The following TSKS variants were observed in gnomAD, a reference collection of about 807,000 sequenced individuals.
TSKS encodes the protein testis specific serine kinase substrate.
Under a neutral mutation model 68.0 loss-of-function variants are expected in TSKS, and 27 were observed. The ratio of observed to expected loss-of-function variants is 0.40; its 90% CI spans 0.29 to 0.55. TSKS has a LOEUF of 0.55. TSKS is among the 20% of genes least tolerant of loss of function. TSKS has a pLI of 0.53. For synonymous variants in TSKS, 331 were observed against 340.4 expected (o/e 0.97, Z 0.30); for missense variants, 806 against 776.0 (o/e 1.04, Z -0.46).
intron 6 of TSKS, among the ~76,000 whole-genome samples, chr19:49,745,909 C>T (rs983417162): frequency 4.6e-5 from 7 of 152,258 alleles, no homozygotes; most frequent in Non-Finnish European, 8.8e-5. Context: ...CTAGGCCGGG[C>T]GCGGTGGCTC....
In TSKS at chr19:49,762,023, G is replaced by A; in HGVS notation, c.380C>T (p.Ala127Val). 1 of 1,613,926 alleles carries A rather than the reference G, an allele frequency of 6.2e-7. No individual in the cohort carries two copies. The highest frequency in any genetic ancestry group is 8.5e-7 in the Non-Finnish European group (1 of 1,179,916). The part of the protein sequence containing the change: ...SPTLPWDPDD[A>V]DITEILSGVN... ...CCTCACCAGGATTTCCGTGATGTCTGCGTCATCCGGATCCCAGGGTAGGGT... is the reference window on the plus strand; with the variant it reads ...CCTCACCAGGATTTCCGTGATGTCTACGTCATCCGGATCCCAGGGTAGGGT... The change falls in exon 2 of 11, where the codon GCA (alanine) becomes GTA (valine). Residue 127 changes from alanine to valine, a missense_variant. Ala to Val is a moderately conservative substitution (Grantham distance 64, BLOSUM62 0). Coordinates refer to ENST00000246801, the MANE Select transcript of TSKS (RefSeq NM_021733.2).
At chr19:49,753,561 C>CAATAATAATAATAATAAT (rs59369964) in intron 2 of TSKS, among the ~76,000 whole-genome samples, 144 of 136,174 alleles carry the variant, frequency 1.1e-3, no homozygotes, top group African/African-American at 2.7e-3. Flanking sequence ...GACTCCATCT[C>CAATAATAATAATAATAAT]AATAATAATA....
intron 2 of TSKS, among the ~76,000 whole-genome samples, chr19:49,748,780 T>C (rs981770347): frequency 5.9e-5 from 9 of 152,020 alleles, no homozygotes; most frequent in African/African-American, 2.2e-4. Flanking sequence ...CTAAATGTCC[T>C]TGGGGGCCAG....
At position 49,746,755 on chromosome 19, in the gene TSKS, G is replaced by T. The variant is rs760980438; in HGVS notation, c.707C>A (p.Pro236Gln). ...CTGCAGCTCGGCCTCCTGCCGTCGC[G>T]GCGTCTCATCCTGCAGCTGCTGCTG... ...YLQQQLQDET[P>Q]RRQEAELQEP... is the part of the protein sequence containing the mutation. Residue 236 changes from proline to glutamine, a missense_variant, in exon 6 of 11, where the codon CCG (proline) becomes CAG (glutamine). Pro to Gln is a moderately conservative substitution (Grantham distance 76, BLOSUM62 -1). Transcript: ENST00000246801. The T allele has an allele frequency of 6.2e-7, 1 of 1,601,312 alleles. No individual in the cohort carries two copies. The highest frequency in any genetic ancestry group is 1.7e-5 in the Admixed American group (1 of 59,992).
chr19:49,746,532 G>C lies in TSKS; in HGVS notation c.930C>G (p.Gly310=), dbSNP rs768833410. ...PAGWGMGPRA[G]EGPYVSEQEL... is the part of the protein sequence containing the mutation. ...CCTGCTCGCTCACGTAGGGGCCCTC[G>C]CCAGCCCGAGGCCCCATTCCCCAGC... The change falls in exon 6 of 11, where the codon GGC becomes GGG. Residue 310 remains glycine (G), a synonymous_variant. Coordinates refer to ENST00000246801, the MANE Select transcript of TSKS (RefSeq NM_021733.2). The C allele has an allele frequency of 1.2e-6, 2 of 1,613,540 alleles. No homozygotes were observed. The highest frequency in any genetic ancestry group is 4.5e-5 in the East Asian group (2 of 44,894).
intron 2 of TSKS, among the ~76,000 whole-genome samples, chr19:49,754,494 A>G (rs990427109): frequency 6.6e-6 from 1 of 151,590 alleles, no homozygotes; most frequent in African/African-American, 2.4e-5. Flanking sequence ...GTGAGACTCC[A>G]TCTCAAAAAA....
At chr19:49,750,546 C>G (rs182317919) in intron 2 of TSKS, among the ~76,000 whole-genome samples, 1 of 152,084 alleles carries the variant, frequency 6.6e-6, no homozygotes, top group East Asian at 1.9e-4. Flanking sequence ...CGTAAGCCAC[C>G]GTGCCCGGCC....
intron 2 of TSKS, among the ~76,000 whole-genome samples, chr19:49,750,403 C>T (rs533497968): frequency 2.6e-5 from 4 of 151,910 alleles, no homozygotes; most frequent in Non-Finnish European, 4.4e-5. Context: ...GGACTACGGG[C>T]GTGCACCACC....
chr19:49,744,795 G>T (rs970018976), intron 7 of TSKS, among the ~76,000 whole-genome samples: 5 of 152,168 alleles, frequency 3.3e-5, no homozygotes, highest in African/African-American at 1.2e-4. Flanking sequence ...CCGCTATGTG[G>T]CCCAGGCTTG....
chr19:49,762,135 T>C lies in TSKS; in HGVS notation c.268A>G (p.Met90Val). The C allele has an allele frequency of 6.2e-7, 1 of 1,614,094 alleles. No homozygotes were observed. The highest frequency in any genetic ancestry group is 8.5e-7 in the Non-Finnish European group (1 of 1,180,012). The change falls in exon 2 of 11, where the codon ATG becomes GTG. Residue 90 changes from methionine (M) to valine (V), a missense_variant. Transcript: ENST00000246801. ...TNVSLLNLAA[M>V]EPTDSTGTDS... is the part of the protein sequence containing the mutation. ...GTCCCCGTGGAGTCAGTGGGCTCCA[T>C]GGCGGCCAGGTTGAGCAGTGACACG...
intron 9 of TSKS, among the ~76,000 whole-genome samples, chr19:49,741,572 C>G (rs1286324810): frequency 6.6e-6 from 1 of 152,130 alleles, no homozygotes; most frequent in African/African-American, 2.4e-5. Flanking sequence ...GAAAATCAGG[C>G]CTATGTTCCA....
At chr19:49,754,188 A>G (rs529862334) in intron 2 of TSKS, among the ~76,000 whole-genome samples, 1 of 150,154 alleles carries the variant, frequency 6.7e-6, no homozygotes, top group African/African-American at 2.4e-5. Context: ...TCCCTGCTAC[A>G]TTATGATACT....
In TSKS at chr19:49,763,224, C is replaced by A; in HGVS notation, c.24G>T (p.Thr8=). 1.3e-6 allele frequency: 2 copies of A among 1,519,388 alleles called. No homozygotes were observed. Among genetic ancestry groups the A allele is most frequent in the Non-Finnish European group, 8.8e-7 (1 of 1,134,738 alleles). The allele number at this position is 1,519,388 out of a possible 1,614,324, so 94.1% of individuals were successfully genotyped here. A position where few individuals can be genotyped will look rare whatever the true frequency, so the allele number is the denominator to read the frequency against. The change falls in exon 1 of 11, where the codon ACG becomes ACT. Residue 8 remains threonine (T), a synonymous_variant. Coordinates refer to ENST00000246801, the MANE Select transcript of TSKS (RefSeq NM_021733.2). This position sits in a 1 kb window ranked among gnomAD's most constrained non-coding sequence, Gnocchi z 4.5. The stretch of plus-strand genomic sequence containing the variant: ...CATGGATCTCTTTGGACTGCCAGAT[C>A]GTCTTCACCACCACGCTCGCCATGG... MASVVVK[T]IWQSKEIHEA...
Position 49,747,373 on chromosome 19 carries a change from G to A in TSKS, c.663+16C>T. 1 of 1,614,096 alleles carries A rather than the reference G, an allele frequency of 6.2e-7. No individual in the cohort carries two copies. Among genetic ancestry groups the A allele is most frequent in the Non-Finnish European group, 8.5e-7 (1 of 1,179,994 alleles). On this transcript the variant is annotated intron_variant, in intron 5 of 10. Transcript: ENST00000246801. ...ACCTCCTCCCACAAATCCTGGGACT[G>A]CCCCCTAGCCCTTACCTCCAGCAGG...
In TSKS at chr19:49,755,424, G is replaced by A. The variant is rs2084384957; in HGVS notation, c.399+6580C>T. Reference sequence around the variant, plus strand: ...AAATAGGCTCCAGGGGCCGGGCCAAGTGACTCACTGCTGTCATCCCAGGAC... The same window carrying A: ...AAATAGGCTCCAGGGGCCGGGCCAAATGACTCACTGCTGTCATCCCAGGAC... On this transcript the variant is annotated intron_variant, in intron 2 of 10. Transcript: ENST00000246801. Among the ~76,000 whole-genome samples, 5 of 152,310 alleles carry A rather than the reference G, an allele frequency of 3.3e-5. No homozygotes were observed. In the South Asian group the frequency reaches 6.2e-4, roughly 19 times the overall value.
chr19:49,757,783 T>C (rs1261289470), intron 2 of TSKS, among the ~76,000 whole-genome samples: 1 of 151,074 alleles, frequency 6.6e-6, no homozygotes, highest in Non-Finnish European at 1.5e-5. Flanking sequence ...CCCTCCTCTA[T>C]TTCTGGTCTT....
At chr19:49,742,647 G>A (rs144695239) in intron 8 of TSKS, among the ~76,000 whole-genome samples, 111 of 151,758 alleles carry the variant, frequency 7.3e-4, no homozygotes, top group African/African-American at 2.6e-3. Context: ...ACAGGCACCC[G>A]CCAGCACGCC....
intron 8 of TSKS, 125 bp downstream of exon 8, chr19:49,744,106 T>C: frequency 1.0e-6 from 1 of 962,162 alleles, no homozygotes; most frequent in South Asian, 1.6e-5. Flanking sequence ...GTTTCTACAA[T>C]GCACTGGGAT....
chr19:49,743,529 ACT>A (rs1160464200), intron 8 of TSKS, among the ~76,000 whole-genome samples: 10 of 107,092 alleles, frequency 9.3e-5, no homozygotes, highest in African/African-American at 3.8e-4. Flanking sequence ...ATGGAGTCTC[ACT>A]CTGTCTCCCA....
Sources: gnomAD v4.1 joint callset for allele counts (sites outside exome capture counted in the v4.1 genomes callset) on GRCh38, gnomAD v4.1.1 for gene constraint, Gnocchi (gnomAD v3.1) non-coding constraint, MANE v1.5 for transcripts, NCBI Gene and HGNC (gene_info 2026-07-23, HGNC 2026-07-21) for gene names.